The following RUSC1 variants were observed in gnomAD, a reference collection of about 807,000 sequenced individuals.
RUSC1 encodes the protein RUN and SH3 domain containing 1.
Under a neutral mutation model 72.1 loss-of-function variants are expected in RUSC1, and 40 were observed. The ratio of observed to expected loss-of-function variants is 0.55; its 90% confidence interval spans 0.43 to 0.72. RUSC1 has a LOEUF of 0.72. Ranked by LOEUF, RUSC1 falls within the 30% of genes least tolerant of loss-of-function variation. RUSC1 has a pLI of 0.00. For synonymous variants in RUSC1, 512 were observed against 494.2 expected (o/e 1.04, Z -0.48); for missense variants, 1,092 against 1,172.3 (o/e 0.93, Z 1.00).
chr1:155,322,215 G>A lies in RUSC1; in HGVS notation c.442G>A (p.Ala148Thr), dbSNP rs1228316702. 2 of 1,611,654 alleles carry A rather than the reference G, an allele frequency of 1.2e-6. No homozygotes were observed. Among genetic ancestry groups the A allele is most frequent in the South Asian group, 1.1e-5 (1 of 90,858 alleles). The change falls in exon 2 of 10, where the codon GCT (alanine) becomes ACT (threonine). Residue 148 changes from alanine (A) to threonine (T), a missense_variant. Transcript: ENST00000368352. ...IIPLEQGSPL[A>T]SAGPGTCSPD... is the part of the protein sequence containing the mutation. Reference sequence around the variant, plus strand: ...CCCCCTGGAGCAGGGCTCCCCACTGGCTTCAGCAGGCCCTGGCACCTGCTC... The same window carrying A: ...CCCCCTGGAGCAGGGCTCCCCACTGACTTCAGCAGGCCCTGGCACCTGCTC...
intron 2 of RUSC1, chr1:155,324,600 C>T (rs1557994010): frequency 3.2e-6 from 5 of 1,546,680 alleles, no homozygotes; most frequent in Non-Finnish European, 4.3e-6. Context: ...GGGGGCTGTG[C>T]CCTGAGGGAG....
chr1:155,324,432 C>T (rs1323543063), intron 2 of RUSC1: 2 of 1,612,960 alleles, frequency 1.2e-6, no homozygotes, highest in African/African-American at 2.7e-5. Context: ...CGCCCACGTG[C>T]TCCCCGGGGC....
In RUSC1 at chr1:155,330,477, G is replaced by A. The variant is rs755259566; in HGVS notation, c.2615G>A (p.Arg872His). The A allele has an allele frequency of 9.3e-6, 15 of 1,613,822 alleles. No individual in the cohort carries two copies. The highest frequency in any genetic ancestry group is 3.4e-4 in the Middle Eastern group (2 of 5,928). ...AGCTTCCGGCGTGGGGAAGTGCTGC[G>A]TGTCATCACCACAGTGGATGAGGAC... The part of the protein sequence containing the change: ...QLSFRRGEVL[R>H]VITTVDEDWL... Residue 872 changes from arginine to histidine, a missense_variant, in exon 10 of 10, where the codon CGT becomes CAT. By Grantham distance (29) the Arg-to-His change is conservative. Coordinates refer to ENST00000368352, the MANE Select transcript of RUSC1 (RefSeq NM_001105203.2).
Position 155,325,238 on chromosome 1 carries a change from T to C in RUSC1, c.1533+60T>C, listed in dbSNP as rs1263735143. On this transcript the variant is annotated intron_variant, in intron 4 of 9. Coordinates refer to ENST00000368352, the MANE Select transcript of RUSC1 (RefSeq NM_001105203.2). The surrounding 1 kb of genome is among the most constrained non-coding windows in gnomAD (Gnocchi z 6.5). ...GAGAGTAATGGAGCTCCGCGGGGGG[T>C]GCGGGAATGGTTGGCGGGAGGTGGC... 1 of 1,610,920 alleles carries C rather than the reference T, an allele frequency of 6.2e-7. No individual in the cohort carries two copies. The highest frequency in any genetic ancestry group is 1.7e-5 in the Admixed American group (1 of 59,894).
rs1048748737 is a variant in RUSC1 at position 155,320,924 on chromosome 1, C to T, written c.-154C>T. 8.9e-6 allele frequency: 14 copies of T among 1,579,956 alleles called. No individual in the cohort carries two copies. Among genetic ancestry groups the T allele is most frequent in the Admixed American group, 1.8e-5 (1 of 54,306 alleles). ...AGTGCCCCTCCCCTCCCGCTCTGTGCCCCGCCGGGCGGGGACCGTGGGAGC... is the reference window on the plus strand; with the variant it reads ...AGTGCCCCTCCCCTCCCGCTCTGTGTCCCGCCGGGCGGGGACCGTGGGAGC... On this transcript the variant is annotated 5_prime_UTR_variant, in exon 1 of 10. Coordinates refer to ENST00000368352, the MANE Select transcript of RUSC1 (RefSeq NM_001105203.2).
chr1:155,330,770 T>C lies in RUSC1; in HGVS notation c.*199T>C, dbSNP rs143295806. On this transcript the variant is annotated 3_prime_UTR_variant, in exon 10 of 10. Coordinates refer to ENST00000368352, the MANE Select transcript of RUSC1 (RefSeq NM_001105203.2). ...GTGAAATCTGCTCTTCTTCCAAATA[T>C]ATAAAAAAGGAATTGCCCTCCAGGT... The C allele has an allele frequency of 4.3e-4, 224 of 515,802 alleles. No homozygotes were observed. Among genetic ancestry groups the C allele is most frequent in the East Asian group, 8.3e-4 (24 of 28,894 alleles). The allele number at this position is 515,802 out of a possible 1,614,324, so 32.0% of individuals were successfully genotyped here.
Position 155,321,872 on chromosome 1 carries a change from G to A in RUSC1, c.99G>A (p.Gln33=), listed in dbSNP as rs370785157. The A allele has an allele frequency of 3.8e-4, 617 of 1,613,560 alleles. 5 individuals carry two copies. In the South Asian group the frequency reaches 5.6e-3, roughly 15 times the overall value. ...GLHLSRRPEL[Q]EGPLSTPPPP... ...ACTTGTCCCGCCGTCCTGAGCTACA[G>A]GAGGGGCCTTTGAGCACACCCCCTC... Residue 33 remains glutamine (Q), a synonymous_variant, in exon 2 of 10, where the codon CAG becomes CAA. Transcript: ENST00000368352.
At chr1:155,321,477 T>G (rs1553235845) in intron 1 of RUSC1, 1 of 1,466,590 alleles carries the variant, frequency 6.8e-7, no homozygotes, top group Admixed American at 1.9e-5. Context: ...TCTCTGACCC[T>G]CCCGGCTCCA....
Position 155,330,671 on chromosome 1 carries a change from C to G in RUSC1, c.*100C>G. On this transcript the variant is annotated 3_prime_UTR_variant, in exon 10 of 10. Coordinates refer to ENST00000368352, the MANE Select transcript of RUSC1 (RefSeq NM_001105203.2). The stretch of plus-strand genomic sequence containing the variant: ...GAAGCATTTTCCCTCTGCAAAATGA[C>G]GTTTCTTCCCACGTCTGTTTCTGCT... The G allele has an allele frequency of 8.6e-7, 1 of 1,168,412 alleles. No homozygotes were observed. Among genetic ancestry groups the G allele is most frequent in the Non-Finnish European group, 1.2e-6 (1 of 852,330 alleles). The allele number at this position is 1,168,412 out of a possible 1,614,324, so 72.4% of individuals were successfully genotyped here. A position where few individuals can be genotyped will look rare whatever the true frequency, so the allele number is the denominator to read the frequency against.
rs771242116 is a variant in RUSC1, at chr1:155,322,243, C to T, written c.470C>T (p.Pro157Leu). The T allele has an allele frequency of 7.4e-6, 12 of 1,613,090 alleles. No homozygotes were observed. The highest frequency in any genetic ancestry group is 1.3e-5 in the African/African-American group (1 of 75,056). ...LASAGPGTCS[P>L]DSFCCSPDSC... ...TCAGCAGGCCCTGGCACCTGCTCAC[C>T]GGACAGCTTCTGCTGCTCTCCTGAT... Residue 157 changes from proline (P) to leucine (L), a missense_variant, in exon 2 of 10, where the codon CCG (proline) becomes CTG (leucine). Transcript: ENST00000368352.
chr1:155,321,134 C>A (rs1650394281), intron 1 of RUSC1, 143 bp downstream of exon 1: 7 of 1,379,654 alleles, frequency 5.1e-6, no homozygotes, highest in Non-Finnish European at 6.8e-6. Context: ...AATGGACATA[C>A]CGCTGTTCCG....
In RUSC1 at chr1:155,321,871, A is replaced by T. The variant is rs370013733; in HGVS notation, c.98A>T (p.Gln33Leu). 6.2e-7 allele frequency: 1 copy of T among 1,613,572 alleles called. No individual in the cohort carries two copies. Among genetic ancestry groups the T allele is most frequent in the Non-Finnish European group, 8.5e-7 (1 of 1,179,908 alleles). ...CACTTGTCCCGCCGTCCTGAGCTAC[A>T]GGAGGGGCCTTTGAGCACACCCCCT... ...GLHLSRRPEL[Q>L]EGPLSTPPPP... The change falls in exon 2 of 10, where the codon CAG (glutamine) becomes CTG (leucine). Residue 33 changes from glutamine (Q) to leucine (L), a missense_variant. Coordinates refer to ENST00000368352, the MANE Select transcript of RUSC1 (RefSeq NM_001105203.2).
rs753323211 is a variant in RUSC1, at chr1:155,327,136, A to T, written c.2414+4A>T. 3.5e-5 allele frequency: 56 copies of T among 1,595,226 alleles called. No homozygotes were observed. Among genetic ancestry groups the T allele is most frequent in the Non-Finnish European group, 4.4e-5 (51 of 1,169,252 alleles). On this transcript the variant is annotated splice_donor_region_variant and intron_variant, in intron 8 of 9. Coordinates refer to ENST00000368352, the MANE Select transcript of RUSC1 (RefSeq NM_001105203.2). ...AGAATGGAGCCCTAAAGTCCAGGTA[A>T]TGGGGTACCTTGTCCTTTCTATGAC...
chr1:155,322,551 G>A lies in RUSC1; in HGVS notation c.778G>A (p.Gly260Arg), dbSNP rs373572916. ...CAATAACACTGGTTGGAAAAACAACGGGAATGTTAACTCTAGCTGGAAAAG... is the reference window on the plus strand; with the variant it reads ...CAATAACACTGGTTGGAAAAACAACAGGAATGTTAACTCTAGCTGGAAAAG... ...ENNNTGWKNN[G>R]NVNSSWKSEP... is the part of the protein sequence containing the mutation. The change falls in exon 2 of 10, where the codon GGG becomes AGG. Residue 260 changes from glycine to arginine, a missense_variant. Gly to Arg is a moderately radical substitution (Grantham distance 125). Transcript: ENST00000368352. 2 of 1,614,184 alleles carry A rather than the reference G, an allele frequency of 1.2e-6. No individual in the cohort carries two copies. The highest frequency in any genetic ancestry group is 8.5e-7 in the Non-Finnish European group (1 of 1,180,034).
Position 155,325,605 on chromosome 1 carries a change from G to A in RUSC1, c.1747G>A (p.Val583Ile), listed in dbSNP as rs999481906. The change falls in exon 6 of 10, where the codon GTC (valine) becomes ATC (isoleucine). Residue 583 changes from valine to isoleucine, a missense_variant. By Grantham distance (29) the Val-to-Ile change is conservative. Coordinates refer to ENST00000368352, the MANE Select transcript of RUSC1 (RefSeq NM_001105203.2). The surrounding 1 kb of genome is among the most constrained non-coding windows in gnomAD (Gnocchi z 6.5). The part of the protein sequence containing the change: ...TRSLGTLYSQ[V>I]SRLAPLSSSR... The stretch of plus-strand genomic sequence containing the variant: ...CTCCCTTGGAACCCTGTATAGCCAG[G>A]TCAGCCGTCTAGCCCCGCTGAGCAG... The A allele has an allele frequency of 1.2e-6, 2 of 1,612,408 alleles. No homozygotes were observed. The highest frequency in any genetic ancestry group is 1.7e-6 in the Non-Finnish European group (2 of 1,179,998).
chr1:155,326,367 T>G lies in RUSC1; in HGVS notation c.1862-213T>G. 1.7e-6 allele frequency: 1 copy of G among 591,936 alleles called. No homozygotes were observed. The highest frequency in any genetic ancestry group is 3.0e-6 in the Non-Finnish European group (1 of 334,422). 36.7% of individuals were successfully genotyped at this position (591,936 alleles called of 1,614,324 possible). A position where few individuals can be genotyped will look rare whatever the true frequency, so the allele number is the denominator to read the frequency against. ...TAGCCTTTGCACTGTCTCTGTTACT[T>G]GTCACCACTTGCTGTGTGTGTCTTC... On this transcript the variant is annotated intron_variant, in intron 7 of 9. Transcript: ENST00000368352. This position sits in a 1 kb window ranked among gnomAD's most constrained non-coding sequence, Gnocchi z 4.7.
At position 155,322,123 on chromosome 1, in the gene RUSC1, C is replaced by G; in HGVS notation, c.350C>G (p.Ser117Cys). 1 of 1,609,642 alleles carries G rather than the reference C, an allele frequency of 6.2e-7. No individual in the cohort carries two copies. The highest frequency in any genetic ancestry group is 1.1e-5 in the South Asian group (1 of 90,670). Residue 117 changes from serine to cysteine, a missense_variant, in exon 2 of 10, where the codon TCC (serine) becomes TGC (cysteine). Coordinates refer to ENST00000368352, the MANE Select transcript of RUSC1 (RefSeq NM_001105203.2). ...TGCTCAGATCTTAGCCCCGATGAGT[C>G]CCCTGTCTCAGTCTACTTGCGGGAC... is the stretch of plus-strand genomic sequence containing the variant. ...SSCSDLSPDESPVSVYLRDLP... is the reference protein window; with the variant it reads ...SSCSDLSPDECPVSVYLRDLP...
chr1:155,326,379 CTGTG>C lies in RUSC1; in HGVS notation c.1862-195_1862-192del, dbSNP rs1165357502. On this transcript the variant is annotated intron_variant, in intron 7 of 9. Transcript: ENST00000368352. The surrounding 1 kb of genome is among the most constrained non-coding windows in gnomAD (Gnocchi z 4.7). Reference sequence around the variant, plus strand: ...TGTCTCTGTTACTTGTCACCACTTGCTGTGTGTGTCTTCCTATTTGGGCTAGGTT... The same window carrying C: ...TGTCTCTGTTACTTGTCACCACTTGCTGTGTCTTCCTATTTGGGCTAGGTT... 2 of 597,314 alleles carry C rather than the reference CTGTG, an allele frequency of 3.3e-6. No individual in the cohort carries two copies. Among genetic ancestry groups the C allele is most frequent in the Admixed American group, 3.0e-5 (1 of 33,606 alleles). The allele number at this position is 597,314 out of a possible 1,614,324, so 37.0% of individuals were successfully genotyped here.
Position 155,325,956 on chromosome 1 carries a change from A to AT in RUSC1, c.1861+47dup. 1 of 1,594,914 alleles carries AT rather than the reference A, an allele frequency of 6.3e-7. No individual in the cohort carries two copies. The highest frequency in any genetic ancestry group is 8.6e-7 in the Non-Finnish European group (1 of 1,162,604). On this transcript the variant is annotated intron_variant, in intron 7 of 9. Coordinates refer to ENST00000368352, the MANE Select transcript of RUSC1 (RefSeq NM_001105203.2). This position sits in a 1 kb window ranked among gnomAD's most constrained non-coding sequence, Gnocchi z 6.5. ...AGGATGGGGCTGATGGGCTGGGAGG[A>AT]TGGGAAGGAAAGAGTTCTCTCCTGC...
Sources: allele counts gnomAD v4.1 joint callset, GRCh38; gene constraint gnomAD v4.1.1; non-coding constraint Gnocchi (gnomAD v3.1); transcripts MANE v1.5; gene names NCBI Gene and HGNC (gene_info 2026-07-23, HGNC 2026-07-21).